Variants in MACROD2 observed in about 807,000 individuals in gnomAD.
MACROD2 encodes the protein mono-ADP ribosylhydrolase 2.
A neutral mutation model predicts 70.4 loss-of-function variants in MACROD2; 36 were observed. That is an observed-to-expected ratio of 0.51 (90% confidence interval 0.39 to 0.68). The LOEUF (loss-of-function observed/expected upper bound fraction) is 0.68, where lower values mean the gene tolerates loss of function less well. Among genes scored for constraint, MACROD2 ranks in the 30% least tolerant of loss-of-function variants. The pLI is 0.00. For synonymous variants in MACROD2, 172 were observed against 178.8 expected (o/e 0.96, Z 0.30); for missense variants, 496 against 538.4 (o/e 0.92, Z 0.78).
intron 8 of MACROD2, among the ~76,000 whole-genome samples, chr20:15,512,995 A>G (rs769030852): frequency 9.2e-5 from 14 of 152,178 alleles, no homozygotes; most frequent in Non-Finnish European, 1.5e-4. Context: ...ATTATCTCAT[A>G]TGGTTTTCCC....
intron 13 of MACROD2, 49 bp downstream of exon 13, chr20:15,967,679 C>T: frequency 4.0e-5 from 11 of 277,858 alleles, no homozygotes; most frequent in Non-Finnish European, 5.4e-5. Context: ...TGCTGGGAAA[C>T]AGAAAAAAAA....
intron 3 of MACROD2, among the ~76,000 whole-genome samples, chr20:14,257,517 G>T (rs930328172): frequency 2.6e-5 from 4 of 151,918 alleles, no homozygotes; most frequent in Non-Finnish European, 4.4e-5. Context: ...AACTCTAAAA[G>T]GGAATTTTTT....
At chr20:14,699,932 CTTTTTAAATCT>C in intron 5 of MACROD2, among the ~76,000 whole-genome samples, 2 of 148,028 alleles carry the variant, frequency 1.4e-5, no homozygotes, top group Non-Finnish European at 3.0e-5. Context: ...AAAGTTTAAA[CTTTTTAAATCT>C]AGAAGTTTAA....
chr20:14,629,452 G>A (rs1984378683), intron 4 of MACROD2, among the ~76,000 whole-genome samples: 1 of 152,138 alleles, frequency 6.6e-6, no homozygotes, highest in Non-Finnish European at 1.5e-5. Flanking sequence ...AAAATCAACA[G>A]ATGACAGCTT....
At chr20:14,411,038 C>T (rs937602178) in intron 3 of MACROD2, among the ~76,000 whole-genome samples, 1 of 152,154 alleles carries the variant, frequency 6.6e-6, no homozygotes, top group Non-Finnish European at 1.5e-5. Flanking sequence ...AAAAGTATCA[C>T]TGGGCATGAG....
intron 3 of MACROD2, among the ~76,000 whole-genome samples, chr20:14,345,013 A>T (rs1178983772): frequency 6.6e-6 from 1 of 152,220 alleles, no homozygotes; most frequent in Admixed American, 6.5e-5. Flanking sequence ...ATATCTTATT[A>T]ACAAAGAACA....
chr20:15,282,019 C>T (rs1472813672), intron 6 of MACROD2, among the ~76,000 whole-genome samples: 1 of 152,232 alleles, frequency 6.6e-6, no homozygotes, highest in Non-Finnish European at 1.5e-5. Flanking sequence ...TGTAAGCTTC[C>T]AACCAAGGCT....
chr20:15,101,596 A>G (rs1020967977), intron 5 of MACROD2, among the ~76,000 whole-genome samples: 1 of 108,550 alleles, frequency 9.2e-6, no homozygotes, highest in African/African-American at 3.6e-5. Flanking sequence ...TTTCAGTGAA[A>G]TTTAAGAGTT....
chr20:15,249,464 T>C (rs1054044038), intron 6 of MACROD2, among the ~76,000 whole-genome samples: 4 of 152,170 alleles, frequency 2.6e-5, no homozygotes, highest in Non-Finnish European at 4.4e-5. Flanking sequence ...TAGCATACAC[T>C]CCTTCCCTCT....
chr20:14,648,625 T>C (rs1182469538), intron 4 of MACROD2, among the ~76,000 whole-genome samples: 1 of 151,876 alleles, frequency 6.6e-6, no homozygotes, highest in Non-Finnish European at 1.5e-5. Flanking sequence ...TTTAAACATA[T>C]ATATATATAT....
At chr20:14,460,077 A>G (rs940751984) in intron 3 of MACROD2, among the ~76,000 whole-genome samples, 3 of 152,120 alleles carry the variant, frequency 2.0e-5, no homozygotes, top group Non-Finnish European at 4.4e-5. Context: ...ATGGCTGCAC[A>G]GTGTTCCATG....
intron 8 of MACROD2, among the ~76,000 whole-genome samples, chr20:15,834,339 C>T (rs1325633602): frequency 6.6e-6 from 1 of 152,000 alleles, no homozygotes; most frequent in East Asian, 1.9e-4. Flanking sequence ...GACTCTGTCT[C>T]AAATAAAACA....
chr20:14,325,525 C>A, intron 3 of MACROD2: 1 of 1,566,966 alleles, frequency 6.4e-7, no homozygotes, highest in South Asian at 1.2e-5. Context: ...TTAAAAAACC[C>A]AAAACACAAG....
At chr20:15,264,885 G>A (rs2077279296) in intron 6 of MACROD2, among the ~76,000 whole-genome samples, 1 of 152,074 alleles carries the variant, frequency 6.6e-6, no homozygotes, top group Non-Finnish European at 1.5e-5. Context: ...CTGGGCCTGG[G>A]GAATGGTGAG....
intron 8 of MACROD2, among the ~76,000 whole-genome samples, chr20:15,704,344 A>G (rs1232367829): frequency 1.3e-5 from 2 of 152,174 alleles, no homozygotes; most frequent in Non-Finnish European, 2.9e-5. Flanking sequence ...CCTGTTCACA[A>G]ATAAAACATT....
chr20:14,681,146 A>C (rs1423972365), intron 4 of MACROD2, among the ~76,000 whole-genome samples: 2 of 152,188 alleles, frequency 1.3e-5, no homozygotes, highest in Non-Finnish European at 2.9e-5. Context: ...GACTGCCAAA[A>C]TTTGAACTCT....
intron 8 of MACROD2, among the ~76,000 whole-genome samples, chr20:15,840,942 G>A (rs1202584038): frequency 6.6e-6 from 1 of 152,140 alleles, no homozygotes; most frequent in Non-Finnish European, 1.5e-5. Context: ...TTTTCAACAA[G>A]AAAACCTTCT....
chr20:15,494,041 A>G lies in MACROD2; in HGVS notation c.572-5733A>G, dbSNP rs147070913. Among the ~76,000 whole-genome samples, 907 of 152,358 alleles carry G rather than the reference A, an allele frequency of 6.0e-3. 10 individuals carry two copies. The highest frequency in any genetic ancestry group is 0.021 in the African/African-American group (865 of 41,590). On this transcript the variant is annotated intron_variant, in intron 7 of 17. Transcript: ENST00000684519. ...TGGCTTAGGAACATCACTGCTTTGC[A>G]GCGAGAAGACAGGCAAATCATAAAA...
intron 8 of MACROD2, among the ~76,000 whole-genome samples, chr20:15,812,364 T>C (rs1164248068): frequency 6.6e-6 from 1 of 152,188 alleles, no homozygotes; most frequent in East Asian, 1.9e-4. Flanking sequence ...GCTCCATTGA[T>C]CCTCCATAAT....
Sources: allele counts gnomAD v4.1 joint callset (sites outside exome capture counted in the v4.1 genomes callset), GRCh38; gene constraint gnomAD v4.1.1; transcripts MANE v1.5; gene names NCBI Gene and HGNC (gene_info 2026-07-23, HGNC 2026-07-21).